The following PCDH1 variants were observed in gnomAD, a reference collection of about 807,000 sequenced individuals.
PCDH1 encodes protocadherin 1.
A neutral mutation model predicts 74.6 loss-of-function variants in PCDH1; 23 were observed. The ratio of observed to expected loss-of-function variants is 0.31; its 90% CI spans 0.22 to 0.44. PCDH1 has a LOEUF of 0.44. Among genes scored for constraint, PCDH1 ranks in the 20% least tolerant of loss-of-function variants. The pLI is 1.00. For missense variants in PCDH1, 1,214 were observed against 1,641.4 expected, an observed-to-expected ratio of 0.74 and a Z score of 4.50; for synonymous variants, 647 against 686.1, an observed-to-expected ratio of 0.94 and a Z score of 0.89.
In PCDH1 at chr5:141,860,628, G is replaced by A. The variant is rs1257749268; in HGVS notation, c.3099+2604C>T. Among the ~76,000 whole-genome samples the A allele has an allele frequency of 2.6e-5, 4 of 152,046 alleles. No homozygotes were observed. In the East Asian group the frequency reaches 5.8e-4, roughly 22 times the overall value. ...ACCAAAACTAACTTCACCACAGAAC[G>A]CCTTTTTTATAGCATAATAGGTAAT... On this transcript the variant is annotated intron_variant, in intron 3 of 4. Coordinates refer to ENST00000287008, the MANE Select transcript of PCDH1 (RefSeq NM_032420.5).
At chr5:141,876,196 C>G (rs1000747889) in intron 1 of PCDH1, among the ~76,000 whole-genome samples, 2 of 152,228 alleles carry the variant, frequency 1.3e-5, no homozygotes, top group Non-Finnish European at 2.9e-5. Context: ...CCACCCCCAC[C>G]CCGGCAGCGC....
chr5:141,877,434 A>G (rs1168478148), intron 1 of PCDH1, among the ~76,000 whole-genome samples: 2 of 152,080 alleles, frequency 1.3e-5, no homozygotes, highest in Admixed American at 1.3e-4. Flanking sequence ...GTAAGATGAT[A>G]TATGCTAGGG....
chr5:141,866,081 T>C, intron 2 of PCDH1: 5 of 985,620 alleles, frequency 5.1e-6, no homozygotes, highest in Non-Finnish European at 6.0e-6. Flanking sequence ...CATGCCCATC[T>C]GAAGGCCCCA....
rs1449056306 is a variant in PCDH1 at position 141,864,896 on chromosome 5, C to T, written c.1435G>A (p.Val479Met). Residue 479 changes from valine (V) to methionine (M), a missense_variant, in exon 3 of 5, where the codon GTG becomes ATG. By Grantham distance (21) the Val-to-Met change is conservative. Transcript: ENST00000287008. The surrounding 1 kb of genome is among the most constrained non-coding windows in gnomAD (Gnocchi z 5.9). ...VKDYTIEIVA[V>M]DSGNPPLSST... ...GAGAGTGGGGGGTTGCCAGAGTCCA[C>T]AGCCACAATCTCAATGGTGTAGTCT... is the stretch of plus-strand genomic sequence containing the variant. 5 of 1,614,180 alleles carry T rather than the reference C, an allele frequency of 3.1e-6. No homozygotes were observed. Among genetic ancestry groups the T allele is most frequent in the South Asian group, 2.2e-5 (2 of 91,074 alleles).
Position 141,854,016 on chromosome 5 carries a change from G to T in PCDH1, c.*26C>A. On this transcript the variant is annotated 3_prime_UTR_variant, in exon 5 of 5. Transcript: ENST00000287008. The stretch of plus-strand genomic sequence containing the variant: ...TGGGAGCTGGCCGGCGGCTGGGGGA[G>T]GGGGGCCGGCCGGCCAGTAGGGGGC... 4.1e-6 allele frequency: 6 copies of T among 1,467,688 alleles called. No individual in the cohort carries two copies. The highest frequency in any genetic ancestry group is 4.5e-6 in the Non-Finnish European group (5 of 1,107,412). The allele number at this position is 1,467,688 out of a possible 1,614,324, so 90.9% of individuals were successfully genotyped here.
At position 141,869,075 on chromosome 5, in the gene PCDH1, T is replaced by G. The variant is rs1030802549; in HGVS notation, c.397A>C (p.Ile133Leu). ...CQNQLPGDPC[I>L]LEFEVSITDL... The stretch of plus-strand genomic sequence containing the variant: ...GTGATAGATACCTCAAACTCCAGGA[T>G]GCAGGGATCACCAGGGAGCTGGTTC... Residue 133 changes from isoleucine (I) to leucine (L), a missense_variant, in exon 2 of 5, where the codon ATC becomes CTC. By Grantham distance (5) the Ile-to-Leu change is conservative (BLOSUM62 2). Around this residue, in one of 4 missense-constraint regions of PCDH1, gnomAD observed 97 missense variants for 173.2 expected, o/e 0.56. Coordinates refer to ENST00000287008, the MANE Select transcript of PCDH1 (RefSeq NM_032420.5). This position sits in a 1 kb window ranked among gnomAD's most constrained non-coding sequence, Gnocchi z 4.9. The G allele has an allele frequency of 6.2e-7, 1 of 1,613,808 alleles. No homozygotes were observed. The highest frequency in any genetic ancestry group is 8.5e-7 in the Non-Finnish European group (1 of 1,180,004).
chr5:141,863,194 A>C lies in PCDH1; in HGVS notation c.3099+38T>G. The C allele has an allele frequency of 2.3e-6, 3 of 1,300,302 alleles. No individual in the cohort carries two copies. The highest frequency in any genetic ancestry group is 3.2e-6 in the Non-Finnish European group (3 of 939,902). 80.5% of individuals were successfully genotyped at this position (1,300,302 alleles called of 1,614,324 possible). ...GATGGCTCCGTGGTAGGGGTGGGGT[A>C]GGGGCTGGGGTGTGCTGAGCTGAAA... On this transcript the variant is annotated intron_variant, in intron 3 of 4. Coordinates refer to ENST00000287008, the MANE Select transcript of PCDH1 (RefSeq NM_032420.5). The surrounding 1 kb of genome is among the most constrained non-coding windows in gnomAD (Gnocchi z 7.5).
chr5:141,876,618 A>G (rs1753242357), intron 1 of PCDH1, among the ~76,000 whole-genome samples: 1 of 152,194 alleles, frequency 6.6e-6, no homozygotes, highest in Non-Finnish European at 1.5e-5. Flanking sequence ...TACAGAGGGT[A>G]GCTGGGGGGA....
chr5:141,865,000 T>G lies in PCDH1; in HGVS notation c.1331A>C (p.Gln444Pro), dbSNP rs1353081948. 5 of 1,614,114 alleles carry G rather than the reference T, an allele frequency of 3.1e-6. No individual in the cohort carries two copies. The highest frequency in any genetic ancestry group is 3.4e-6 in the Non-Finnish European group (4 of 1,180,020). ...VAGDVPFQLR[Q>P]ASETGSDSKK... ...GCTGTCACTGCCTGTCTCACTGGCCTGGCGCAGCTGGAAGGGCACATCACC... is the reference window on the plus strand; with the variant it reads ...GCTGTCACTGCCTGTCTCACTGGCCGGGCGCAGCTGGAAGGGCACATCACC... Residue 444 changes from glutamine (Q) to proline (P), a missense_variant, in exon 3 of 5, where the codon CAG becomes CCG. By Grantham distance (76) the Gln-to-Pro change is moderately conservative (BLOSUM62 -1). Around this residue, in one of 4 missense-constraint regions of PCDH1, gnomAD observed 836 missense variants for 1,182.2 expected, o/e 0.71. Transcript: ENST00000287008. This position sits in a 1 kb window ranked among gnomAD's most constrained non-coding sequence, Gnocchi z 5.9.
chr5:141,869,822 C>T lies in PCDH1; in HGVS notation c.41-391G>A, dbSNP rs1266449712. The T allele has an allele frequency of 2.0e-6, 2 of 984,512 alleles. No homozygotes were observed. Among genetic ancestry groups the T allele is most frequent in the Non-Finnish European group, 2.4e-6 (2 of 829,136 alleles). The allele number at this position is 984,512 out of a possible 1,614,324, so 61.0% of individuals were successfully genotyped here. A position where few individuals can be genotyped will look rare whatever the true frequency, so the allele number is the denominator to read the frequency against. ...CTCACGAGCATCCTGCCTTAGTCAC[C>T]GATGGTAATTACCTTGATACTGAGA... is the stretch of plus-strand genomic sequence containing the variant. On this transcript the variant is annotated intron_variant, in intron 1 of 4. Coordinates refer to ENST00000287008, the MANE Select transcript of PCDH1 (RefSeq NM_032420.5). This position sits in a 1 kb window ranked among gnomAD's most constrained non-coding sequence, Gnocchi z 4.9.
intron 1 of PCDH1, among the ~76,000 whole-genome samples, chr5:141,877,014 AAGCCGGC>A (rs1380493310): frequency 6.6e-6 from 1 of 152,148 alleles, no homozygotes; most frequent in African/African-American, 2.4e-5. Context: ...GCCGACTGGG[AAGCCGGC>A]AGGCCGGCCC....
At chr5:141,870,061 T>C (rs563299085) in intron 1 of PCDH1, among the ~76,000 whole-genome samples, 1 of 152,308 alleles carries the variant, frequency 6.6e-6, no homozygotes, top group Admixed American at 6.5e-5. Context: ...AGTCAGTGCA[T>C]ATGCATGAGG....
At position 141,869,400 on chromosome 5, in the gene PCDH1, C is replaced by A. The variant is rs1269103852; in HGVS notation, c.72G>T (p.Glu24Asp). 15 of 1,597,714 alleles carry A rather than the reference C, an allele frequency of 9.4e-6. No homozygotes were observed. The Admixed American group carries it at 2.0e-4, about 22-fold the overall frequency. ...ALLILGPPRM[E>D]HLRHSPGPGG... ...CAGGGCCTGGGCTGTGCCTCAGGTG[C>A]TCCATCCTGGGAGGCCCCAGAATCA... The change falls in exon 2 of 5, where the codon GAG (glutamate) becomes GAT (aspartate). Residue 24 changes from glutamate (E) to aspartate (D), a missense_variant. Around this residue, in one of 4 missense-constraint regions of PCDH1, gnomAD observed 87 missense variants for 87.7 expected, o/e 0.99. Transcript: ENST00000287008. This position sits in a 1 kb window ranked among gnomAD's most constrained non-coding sequence, Gnocchi z 4.9.
In PCDH1 at chr5:141,863,687, C is replaced by A. The variant is rs1010971495; in HGVS notation, c.2644G>T (p.Ala882Ser). Residue 882 changes from alanine (A) to serine (S), a missense_variant, in exon 3 of 5, where the codon GCC becomes TCC. Around this residue, in one of 4 missense-constraint regions of PCDH1, gnomAD observed 836 missense variants for 1,182.2 expected, o/e 0.71. Coordinates refer to ENST00000287008, the MANE Select transcript of PCDH1 (RefSeq NM_032420.5). The surrounding 1 kb of genome is among the most constrained non-coding windows in gnomAD (Gnocchi z 7.5). ...TTACCAGCCTGGTAACCACTTTTGGCCTCCCGCTGTCTGCAGTAGCGCACA... is the reference window on the plus strand; with the variant it reads ...TTACCAGCCTGGTAACCACTTTTGGACTCCCGCTGTCTGCAGTAGCGCACA... ...VLVRYCRQRE[A>S]KSGYQAGKKE... is the part of the protein sequence containing the mutation. 6.2e-7 allele frequency: 1 copy of A among 1,614,212 alleles called. No individual in the cohort carries two copies. Among genetic ancestry groups the A allele is most frequent in the Non-Finnish European group, 8.5e-7 (1 of 1,180,030 alleles).
rs1382947569 is a variant in PCDH1, at chr5:141,864,764, C to G, written c.1567G>C (p.Glu523Gln). 6.2e-7 allele frequency: 1 copy of G among 1,614,000 alleles called. No individual in the cohort carries two copies. The highest frequency in any genetic ancestry group is 8.5e-7 in the Non-Finnish European group (1 of 1,180,044). Residue 523 changes from glutamate (E) to glutamine (Q), a missense_variant, in exon 3 of 5, where the codon GAA becomes CAA. Glu to Gln is a conservative substitution (Grantham distance 29). Around this residue, in one of 4 missense-constraint regions of PCDH1, gnomAD observed 836 missense variants for 1,182.2 expected, o/e 0.71. Coordinates refer to ENST00000287008, the MANE Select transcript of PCDH1 (RefSeq NM_032420.5). This position sits in a 1 kb window ranked among gnomAD's most constrained non-coding sequence, Gnocchi z 5.9. ...CTGGCAGTGATCTCAGCAATCACTT[C>G]ACCAGGCTTGTTGTTTTCCGGGAAG... ...VAFPENNKPG[E>Q]VIAEITASDA...
rs1753296127 is a variant in PCDH1 at position 141,878,331 on chromosome 5, C to T, written c.-69G>A. The T allele has an allele frequency of 6.4e-6, 7 of 1,092,814 alleles. No individual in the cohort carries two copies. Among genetic ancestry groups the T allele is most frequent in the Non-Finnish European group, 8.0e-6 (7 of 875,558 alleles). 67.7% of individuals were successfully genotyped at this position (1,092,814 alleles called of 1,614,324 possible). On this transcript the variant is annotated 5_prime_UTR_variant, in exon 1 of 5. Transcript: ENST00000287008. The surrounding 1 kb of genome is among the most constrained non-coding windows in gnomAD (Gnocchi z 5.5). ...GGGGCTGGAGCTGCAGTTCGGGCTC[C>T]GGCTCCGGCTCCGGCTGGCTCTGGG... is the stretch of plus-strand genomic sequence containing the variant.
At chr5:141,859,052 T>C (rs1185813606) in intron 3 of PCDH1, among the ~76,000 whole-genome samples, 1 of 152,094 alleles carries the variant, frequency 6.6e-6, no homozygotes, top group South Asian at 2.1e-4. Flanking sequence ...GGAATCCTTG[T>C]ATTGATCTAA....
At chr5:141,857,108 C>T (rs1008821612) in intron 4 of PCDH1, 144 bp downstream of exon 4, 3 of 616,980 alleles carry the variant, frequency 4.9e-6, no homozygotes, top group South Asian at 2.7e-5. Context: ...GGATTAAATG[C>T]GTGTATACCT....
rs369474246 is a variant in PCDH1 at position 141,866,422 on chromosome 5, T to C, written c.904-995A>G. ...CACTCGACTCAACTCTATACAAACA[T>C]GGTTGGTAATGGGGAAGAGGACCCA... On this transcript the variant is annotated intron_variant, in intron 2 of 4. Transcript: ENST00000287008. Among the ~76,000 whole-genome samples, 33 of 152,140 alleles carry C rather than the reference T, an allele frequency of 2.2e-4. 1 individual carries two copies. In the South Asian group the frequency reaches 6.6e-3, roughly 31 times the overall value.
Sources: gnomAD v4.1 joint callset for allele counts (sites outside exome capture counted in the v4.1 genomes callset) on GRCh38, gnomAD v4.1.1 for gene constraint, gnomAD v4.1.1 regional missense constraint, Gnocchi (gnomAD v3.1) non-coding constraint, MANE v1.5 for transcripts, NCBI Gene and HGNC (gene_info 2026-07-23, HGNC 2026-07-21) for gene names.